LARP1B: variants seen among roughly 807,000 people sequenced by gnomAD.
LARP1B encodes the protein la-related protein 1B.
In LARP1B, 76 loss-of-function variants were observed where a neutral mutation model predicts 114.2. The ratio of observed to expected loss-of-function variants is 0.67; its 90% confidence interval spans 0.55 to 0.81. LARP1B has a LOEUF of 0.81. Among genes scored for constraint, LARP1B ranks in the 30% least tolerant of loss-of-function variants. LARP1B has a pLI of 0.00. For missense variants in LARP1B, 1,014 were observed against 1,075.8 expected (o/e 0.94, Z 0.80); for synonymous variants, 345 against 348.0 (o/e 0.99, Z 0.10).
upstream of LARP1B, chr4:128,061,159 G>A (rs1015994651): frequency 6.6e-6 from 1 of 152,156 alleles, no homozygotes; most frequent in Non-Finnish European, 1.5e-5. Context: ...CAGACCCTCG[G>A]GCCGGGCGGC....
chr4:128,083,583 C>T lies in LARP1B; in HGVS notation c.358+1278C>T, dbSNP rs574437208. ...CTGGCGGGCAGGGGGCTGACCCCCC[C>T]ACCTCCCTCCCAGACGGGGCGGCTG... On this transcript the variant is annotated intron_variant, in intron 5 of 19. Coordinates refer to ENST00000326639, the MANE Select transcript of LARP1B (RefSeq NM_018078.4). Among the ~76,000 whole-genome samples the T allele has an allele frequency of 7.4e-5, 11 of 147,796 alleles. No homozygotes were observed. In the East Asian group the frequency reaches 2.3e-3, roughly 31 times the overall value.
intron 12 of LARP1B, among the ~76,000 whole-genome samples, chr4:128,168,753 T>A (rs1344098453): frequency 1.3e-5 from 2 of 152,036 alleles, no homozygotes; most frequent in East Asian, 3.8e-4. Context: ...TTGTACTATA[T>A]TCATGAGGAA....
At chr4:128,123,248 G>A (rs1035430850) in intron 11 of LARP1B, 94 of 985,286 alleles carry the variant, frequency 9.5e-5, no homozygotes, top group Non-Finnish European at 1.1e-4. Context: ...AGCTTGTTAC[G>A]TGACTTAGAG....
chr4:128,092,721 A>G (rs942174414), intron 7 of LARP1B: 3 of 981,998 alleles, frequency 3.1e-6, no homozygotes, highest in Non-Finnish European at 3.6e-6. Context: ...GGTGGATCCA[A>G]TTTGCTTACA....
At chr4:128,130,148 T>C (rs1306693819) in intron 11 of LARP1B, among the ~76,000 whole-genome samples, 2 of 152,190 alleles carry the variant, frequency 1.3e-5, no homozygotes, top group Non-Finnish European at 2.9e-5. Context: ...AGACCACGAG[T>C]TTGAGACCAG....
chr4:128,103,707 C>T (rs760300207), intron 8 of LARP1B, among the ~76,000 whole-genome samples: 1 of 151,808 alleles, frequency 6.6e-6, no homozygotes, highest in East Asian at 1.9e-4. Flanking sequence ...GGATTACAAG[C>T]GCCTGCCACC....
chr4:128,194,367 C>T (rs1026779995), intron 15 of LARP1B, among the ~76,000 whole-genome samples: 1 of 152,106 alleles, frequency 6.6e-6, no homozygotes, highest in Non-Finnish European at 1.5e-5. Context: ...TTACCGCGCC[C>T]GGCCCCATTT....
Position 128,122,047 on chromosome 4 carries a change from T to C in LARP1B, c.1383T>C (p.His461=). ...AGACACCACCTTATGTGAAAAAACA[T>C]CCTGGAGGAGATCGAACAGGCACCC... ...VTQTPPYVKK[H]PGGDRTGTHM... The change falls in exon 11 of 20, where the codon CAT becomes CAC. Residue 461 remains histidine (H), a synonymous_variant. Transcript: ENST00000326639. 1.2e-6 allele frequency: 2 copies of C among 1,613,972 alleles called. No homozygotes were observed. Among genetic ancestry groups the C allele is most frequent in the African/African-American group, 1.3e-5 (1 of 75,018 alleles).
At position 128,074,960 on chromosome 4, in the gene LARP1B, T is replaced by C. The variant is rs149651866; in HGVS notation, c.9T>C (p.Asn3=). 2.0e-4 allele frequency: 321 copies of C among 1,610,546 alleles called. 1 individual carries two copies. The Middle Eastern group carries it at 3.0e-3, about 15-fold the overall frequency. Reference sequence around the variant, plus strand: ...CTAGTGATTTCAGTGATATGGAGAATTGGCCAACACCAAGTGAATTAGTGA... The same window carrying C: ...CTAGTGATTTCAGTGATATGGAGAACTGGCCAACACCAAGTGAATTAGTGA... ME[N]WPTPSELVNT... The change falls in exon 3 of 20, where the codon AAT becomes AAC. Residue 3 remains asparagine, a synonymous_variant. Transcript: ENST00000326639.
chr4:128,076,702 T>A (rs1391410977), intron 3 of LARP1B, among the ~76,000 whole-genome samples: 1 of 152,140 alleles, frequency 6.6e-6, no homozygotes, highest in Non-Finnish European at 1.5e-5. Context: ...GAATTCCAGT[T>A]ACTCCACATC....
Position 128,091,275 on chromosome 4 carries a change from TCTTCA to T in LARP1B, c.503-68_503-64del, listed in dbSNP as rs1056975155. ...TTTTATGTTTGTTAACCTTTGAAGT[TCTTCA>T]CTTTATCCGTAGTAACTATTTTTTT... On this transcript the variant is annotated intron_variant, in intron 6 of 19. Transcript: ENST00000326639. 6.7e-5 allele frequency: 102 copies of T among 1,512,384 alleles called. No homozygotes were observed. In the Middle Eastern group the frequency reaches 8.7e-4, roughly 13 times the overall value. 93.7% of individuals were successfully genotyped at this position (1,512,384 alleles called of 1,614,324 possible). A position where few individuals can be genotyped will look rare whatever the true frequency, so the allele number is the denominator to read the frequency against.
intron 11 of LARP1B, among the ~76,000 whole-genome samples, chr4:128,139,017 T>A (rs1726707954): frequency 1.3e-5 from 2 of 152,272 alleles, no homozygotes; most frequent in South Asian, 2.1e-4. Flanking sequence ...AGCAGTTTTT[T>A]AAAAAACAGA....
At chr4:128,139,362 G>A (rs1429219473) in intron 11 of LARP1B, among the ~76,000 whole-genome samples, 3 of 152,004 alleles carry the variant, frequency 2.0e-5, no homozygotes, top group Non-Finnish European at 4.4e-5. Flanking sequence ...GCATAGTGCT[G>A]TGCACCTGTA....
At chr4:128,171,957 G>A (rs1241590932) in intron 12 of LARP1B, among the ~76,000 whole-genome samples, 1 of 150,760 alleles carries the variant, frequency 6.6e-6, no homozygotes, top group Non-Finnish European at 1.5e-5. Context: ...AATAGAGTGT[G>A]ATGTGCCTTG....
At chr4:128,206,059 G>A (rs544806182) in intron 17 of LARP1B, among the ~76,000 whole-genome samples, 2 of 152,318 alleles carry the variant, frequency 1.3e-5, no homozygotes, top group African/African-American at 4.8e-5. Flanking sequence ...GGGAGGCCGA[G>A]GCAGATGGAT....
chr4:128,214,427 T>G (rs1162716956), downstream of LARP1B, among the ~76,000 whole-genome samples: 1 of 149,562 alleles, frequency 6.7e-6, no homozygotes, highest in Non-Finnish European at 1.5e-5. Flanking sequence ...AAGAGAGCAG[T>G]GGTTCTCCCA....
Position 128,178,660 on chromosome 4 carries a change from G to A in LARP1B, c.1896+18G>A. The A allele has an allele frequency of 6.4e-7, 1 of 1,563,464 alleles. No homozygotes were observed. The highest frequency in any genetic ancestry group is 8.8e-7 in the Non-Finnish European group (1 of 1,135,308). ...ATGTAAAGGTATACAAAACAACCAG[G>A]AATATAAGGCTTGCATTTTGTATCC... On this transcript the variant is annotated intron_variant, in intron 14 of 19. Transcript: ENST00000326639.
At chr4:128,204,867 T>TTAAA (rs1554065756) in intron 17 of LARP1B, among the ~76,000 whole-genome samples, 1 of 149,522 alleles carries the variant, frequency 6.7e-6, no homozygotes, top group Non-Finnish European at 1.5e-5. Flanking sequence ...TTTTAAAAAT[T>TTAAA]AAAAAAAAAG....
rs1022132307 is a variant in LARP1B at position 128,157,120 on chromosome 4, A to T, written c.1525-5074A>T. On this transcript the variant is annotated intron_variant, in intron 11 of 19. Coordinates refer to ENST00000326639, the MANE Select transcript of LARP1B (RefSeq NM_018078.4). ...TCCAGAAAATAGAGTTATCAAGCAG[A>T]CTTTGTTTTTAATAAGTTAAAAAAT... Among the ~76,000 whole-genome samples the T allele has an allele frequency of 7.9e-5, 12 of 152,252 alleles. No individual in the cohort carries two copies. The East Asian group carries it at 1.9e-3, about 24-fold the overall frequency.
Sources: gnomAD v4.1 joint callset for allele counts (sites outside exome capture counted in the v4.1 genomes callset) on GRCh38, gnomAD v4.1.1 for gene constraint, MANE v1.5 for transcripts, NCBI Gene and HGNC (gene_info 2026-07-23, HGNC 2026-07-21) for gene names.